ATAD3B: variants seen among roughly 807,000 people sequenced by gnomAD.
ATAD3B encodes the protein ATPase family AAA domain containing 3B.
Under a neutral mutation model 70.2 loss-of-function variants are expected in ATAD3B, and 59 were observed. The ratio of observed to expected loss-of-function variants is 0.84; its 90% CI spans 0.68 to 1.04. The LOEUF (loss-of-function observed/expected upper bound fraction) is 1.04. ATAD3B is among the 50% of genes least tolerant of loss of function. ATAD3B has a pLI of 0.00. For synonymous variants in ATAD3B, 423 were observed against 388.6 expected (o/e 1.09, Z -1.04); for missense variants, 961 against 913.4 (o/e 1.05, Z -0.67).
the ATAD3B span, among the ~76,000 whole-genome samples, chr1:1,506,819 G>A: frequency 6.3e-5 from 8 of 127,406 alleles, no homozygotes; most frequent in Admixed American, 4.4e-4. Context: ...ATGGAGTCTC[G>A]CTCCGTCACC....
At chr1:1,499,824 C>T (rs1247860045), downstream of ATAD3B, among the ~76,000 whole-genome samples, 2 of 150,680 alleles carry the variant, frequency 1.3e-5, no homozygotes, top group African/African-American at 2.4e-5. Flanking sequence ...GAACTCCCGA[C>T]GTCAGGTGAT....
At chr1:1,502,264 G>A (rs1640961886), downstream of ATAD3B, among the ~76,000 whole-genome samples, 1 of 151,418 alleles carries the variant, frequency 6.6e-6, no homozygotes, top group Non-Finnish European at 1.5e-5. Flanking sequence ...GCCCAGGCTG[G>A]AGTGCAGTGG....
rs1274547617 is a variant in ATAD3B at position 1,486,238 on chromosome 1, G to A, written c.1089+3G>A. 2 of 1,612,720 alleles carry A rather than the reference G, an allele frequency of 1.2e-6. No individual in the cohort carries two copies. The highest frequency in any genetic ancestry group is 1.7e-6 in the Non-Finnish European group (2 of 1,179,646). On this transcript the variant is annotated splice_donor_region_variant and intron_variant, in intron 10 of 15. Transcript: ENST00000673477. ...CCGGGAAGACGCTGTTTGCCAAGGT[G>A]AGAGCGCCTGGCTGAACAGGTGGGC...
chr1:1,503,508 C>T, the ATAD3B span: 1 of 1,464,620 alleles, frequency 6.8e-7, no homozygotes, highest in Non-Finnish European at 9.4e-7. Flanking sequence ...TCCAGAAAGC[C>T]CCTTGGCTGG....
intron 15 of ATAD3B, among the ~76,000 whole-genome samples, chr1:1,491,944 G>A (rs1380330965): frequency 1.3e-5 from 2 of 151,882 alleles, no homozygotes; most frequent in Non-Finnish European, 2.9e-5. Flanking sequence ...CCAGCATTTG[G>A]GGAGGCCAAG....
chr1:1,482,371 G>A, intron 6 of ATAD3B, 68 bp downstream of exon 6: 3 of 1,566,718 alleles, frequency 1.9e-6, no homozygotes, highest in Non-Finnish European at 2.6e-6. Context: ...TGGTCCCAGG[G>A]CGCTCTCCAG....
chr1:1,490,404 G>C lies in ATAD3B; in HGVS notation c.1485G>C (p.Lys495Asn), dbSNP rs757648776. Residue 495 changes from lysine (K) to asparagine (N), a missense_variant, in exon 14 of 16, where the codon AAG (lysine) becomes AAC (asparagine). Transcript: ENST00000673477. The stretch of plus-strand genomic sequence containing the variant: ...TGCATTTTGACAACTGTGTTCTTAA[G>C]CCGGCCACAGAAGGAAAACGGTGAG... Reference protein sequence around the residue: ...VRLHFDNCVLKPATEGKRRLK... With the variant: ...VRLHFDNCVLNPATEGKRRLK... 3 of 1,613,330 alleles carry C rather than the reference G, an allele frequency of 1.9e-6. No individual in the cohort carries two copies. The African/African-American group carries it at 4.0e-5, about 22-fold the overall frequency.
chr1:1,504,700 T>G, the ATAD3B span, among the ~76,000 whole-genome samples: 2 of 150,538 alleles, frequency 1.3e-5, no homozygotes, highest in Non-Finnish European at 3.0e-5. Flanking sequence ...CTGCTGGGCC[T>G]GCCATAACCA....
chr1:1,506,629 G>A, the ATAD3B span, among the ~76,000 whole-genome samples: 4 of 152,044 alleles, frequency 2.6e-5, no homozygotes, highest in African/African-American at 9.7e-5. Flanking sequence ...TCTTTCAGAT[G>A]CTATTGTAAA....
At chr1:1,479,227 C>G (rs1285536454) in intron 4 of ATAD3B, 119 bp downstream of exon 4, 1 of 1,292,552 alleles carries the variant, frequency 7.7e-7, no homozygotes, top group Non-Finnish European at 1.1e-6. Context: ...ACGGTGGGTG[C>G]TAGAGCAGGG....
At chr1:1,503,122 C>T in the ATAD3B span, 1 of 156,044 alleles carries the variant, frequency 6.4e-6, no homozygotes, top group Admixed American at 6.2e-5. Context: ...ACTCCAGAGG[C>T]TGAGGCAGGA....
rs373149794 is a variant in ATAD3B at position 1,482,258 on chromosome 1, G to A, written c.635G>A (p.Arg212His). The change falls in exon 6 of 16, where the codon CGC (arginine) becomes CAC (histidine). Residue 212 changes from arginine to histidine, a missense_variant. Physicochemically the swap from Arg to His is conservative, Grantham distance 29 (BLOSUM62 0). Coordinates refer to ENST00000673477, the MANE Select transcript of ATAD3B (RefSeq NM_031921.6). Reference sequence around the variant, plus strand: ...GCAGACATCATCCGCGAGCAGATCCGCCTGAAGGCGTCCGAGCACCGTCAG... The same window carrying A: ...GCAGACATCATCCGCGAGCAGATCCACCTGAAGGCGTCCGAGCACCGTCAG... ...ENADIIREQI[R>H]LKASEHRQTV... The A allele has an allele frequency of 9.3e-6, 15 of 1,611,132 alleles. No individual in the cohort carries two copies. The highest frequency in any genetic ancestry group is 2.2e-5 in the East Asian group (1 of 44,870).
In ATAD3B at chr1:1,495,952, G is replaced by T; in HGVS notation, c.*135G>T. ...TGCCCAGGCCACTGTGAGGGTGGGTGCTGGCTGAGCCCCTGGGGCAGAAGG... is the reference window on the plus strand; with the variant it reads ...TGCCCAGGCCACTGTGAGGGTGGGTTCTGGCTGAGCCCCTGGGGCAGAAGG... On this transcript the variant is annotated 3_prime_UTR_variant, in exon 16 of 16. Coordinates refer to ENST00000673477, the MANE Select transcript of ATAD3B (RefSeq NM_031921.6). 6.4e-6 allele frequency: 9 copies of T among 1,402,490 alleles called. No homozygotes were observed. The highest frequency in any genetic ancestry group is 8.3e-6 in the Non-Finnish European group (9 of 1,080,864). 86.9% of individuals were successfully genotyped at this position (1,402,490 alleles called of 1,614,324 possible).
At chr1:1,492,722 G>A (rs1357448308) in intron 15 of ATAD3B, among the ~76,000 whole-genome samples, 3 of 151,766 alleles carry the variant, frequency 2.0e-5, no homozygotes, top group Non-Finnish European at 2.9e-5. Context: ...GGCGGATCAC[G>A]GGGTCAGGAG....
intron 12 of ATAD3B, among the ~76,000 whole-genome samples, chr1:1,488,472 C>T (rs1056680856): frequency 3.3e-5 from 5 of 152,062 alleles, no homozygotes; most frequent in Non-Finnish European, 5.9e-5. Context: ...AGAAATTCAC[C>T]GGCCTTGGCC....
chr1:1,473,556 C>A (rs895508805), intron 1 of ATAD3B, among the ~76,000 whole-genome samples: 1 of 149,504 alleles, frequency 6.7e-6, no homozygotes, highest in African/African-American at 2.5e-5. Context: ...AGTGCAATGG[C>A]GCCATCTTGT....
intron 1 of ATAD3B, among the ~76,000 whole-genome samples, chr1:1,472,880 C>A (rs1244990244): frequency 2.0e-5 from 3 of 151,956 alleles, no homozygotes; most frequent in Non-Finnish European, 2.9e-5. Context: ...GTCGCCGAGG[C>A]TGGAGTGCAG....
chr1:1,494,293 T>G (rs150497555), intron 15 of ATAD3B, among the ~76,000 whole-genome samples: 2,232 of 151,992 alleles, frequency 0.015, 59 homozygotes, highest in African/African-American at 0.05. Flanking sequence ...GCGTAGCCCC[T>G]CTCCTCTGCT....
intron 1 of ATAD3B, 110 bp from the exon 2 acceptor site, chr1:1,477,164 G>C: frequency 1.4e-6 from 2 of 1,418,716 alleles, no homozygotes; most frequent in Non-Finnish European, 1.9e-6. Flanking sequence ...GTGAACCACC[G>C]CTTCCCACTA....
Sources: gnomAD v4.1 joint callset for allele counts (sites outside exome capture counted in the v4.1 genomes callset) on GRCh38, gnomAD v4.1.1 for gene constraint, MANE v1.5 for transcripts, NCBI Gene and HGNC (gene_info 2026-07-23, HGNC 2026-07-21) for gene names.